The following CDH12 variants were observed in gnomAD, a reference collection of about 807,000 sequenced individuals.
The protein encoded by CDH12 is cadherin-12.
Under a neutral mutation model 74.1 loss-of-function variants are expected in CDH12, and 41 were observed. The ratio of observed to expected loss-of-function variants is 0.55; its 90% CI spans 0.43 to 0.72. The LOEUF is 0.72. CDH12 is among the 30% of genes least tolerant of loss of function. The pLI, the probability that CDH12 is intolerant of heterozygous loss-of-function variation, is 0.00. For synonymous variants in CDH12, 399 were observed against 355.0 expected (o/e 1.12, Z -1.39); for missense variants, 945 against 977.2 (o/e 0.97, Z 0.44).
intron 1 of CDH12, among the ~76,000 whole-genome samples, chr5:22,667,280 C>T (rs192870814): frequency 1.7e-4 from 26 of 152,116 alleles, no homozygotes; most frequent in African/African-American, 5.5e-4. Context: ...GATGGTAGTC[C>T]CTCTCTGCAG....
At position 22,062,128 on chromosome 5, in the gene CDH12, T is replaced by C. The variant is rs540152554; in HGVS notation, c.231+16318A>G. Among the ~76,000 whole-genome samples, 3 of 152,274 alleles carry C rather than the reference T, an allele frequency of 2.0e-5. No homozygotes were observed. The East Asian group carries it at 5.8e-4, about 29-fold the overall frequency. ...TTACTTTTGAAATACTGGTTTTAGG[T>C]ATTCATATATTGATTTAAAGATAGT... On this transcript the variant is annotated intron_variant, in intron 5 of 14. Transcript: ENST00000382254.
intron 1 of CDH12, among the ~76,000 whole-genome samples, chr5:22,713,426 C>A (rs1243607516): frequency 2.0e-5 from 3 of 151,994 alleles, no homozygotes; most frequent in Non-Finnish European, 4.4e-5. Context: ...CAGGCATGAG[C>A]CACCGCACCC....
At chr5:22,199,533 ACCTCTGGGCTGAGTT>A (rs1486969534) in intron 4 of CDH12, among the ~76,000 whole-genome samples, 1 of 152,174 alleles carries the variant, frequency 6.6e-6, no homozygotes, top group Admixed American at 6.5e-5. Flanking sequence ...CCCGCTGCTT[ACCTCTGGGCTGAGTT>A]CCTCTTTTCA....
chr5:22,846,404 C>G (rs1299901132), intron 1 of CDH12, among the ~76,000 whole-genome samples: 1 of 152,126 alleles, frequency 6.6e-6, no homozygotes, highest in Non-Finnish European at 1.5e-5. Flanking sequence ...TTCAGTGATT[C>G]TCTAGATAGA....
chr5:22,515,970 T>C lies in CDH12; in HGVS notation c.-522-10606A>G, dbSNP rs72744902. On this transcript the variant is annotated intron_variant, in intron 1 of 14. Coordinates refer to ENST00000382254, the MANE Select transcript of CDH12 (RefSeq NM_004061.5). ...CTGATCATATGAAGCAATTGTACAATACAATTAAGAAAAAATAACCTTATA... is the reference window on the plus strand; with the variant it reads ...CTGATCATATGAAGCAATTGTACAACACAATTAAGAAAAAATAACCTTATA... Among the ~76,000 whole-genome samples the C allele has an allele frequency of 8.9e-3, 1,357 of 152,092 alleles. 24 individuals carry two copies. The highest frequency in any genetic ancestry group is 0.066 in the East Asian group (339 of 5,170).
chr5:21,767,373 T>C, intron 11 of CDH12, among the ~76,000 whole-genome samples: 1 of 151,720 alleles, frequency 6.6e-6, no homozygotes, highest in Non-Finnish European at 1.5e-5. Flanking sequence ...AGAAATTAAT[T>C]CTCTTCTGCT....
rs564660599 is a variant in CDH12 at position 22,378,262 on chromosome 5, T to A, written c.-333+26995A>T. Reference sequence around the variant, plus strand: ...ATTAGAATGCAATAAACTGAAGGACTTTTTCCTCATTCTTAAAACTCATAT... The same window carrying A: ...ATTAGAATGCAATAAACTGAAGGACATTTTCCTCATTCTTAAAACTCATAT... On this transcript the variant is annotated intron_variant, in intron 3 of 14. Coordinates refer to ENST00000382254, the MANE Select transcript of CDH12 (RefSeq NM_004061.5). Among the ~76,000 whole-genome samples the A allele has an allele frequency of 3.9e-5, 6 of 152,194 alleles. No individual in the cohort carries two copies. The East Asian group carries it at 7.7e-4, about 20-fold the overall frequency.
At chr5:22,731,898 G>A (rs1744446623) in intron 1 of CDH12, among the ~76,000 whole-genome samples, 1 of 151,738 alleles carries the variant, frequency 6.6e-6, no homozygotes, top group Non-Finnish European at 1.5e-5. Flanking sequence ...GCTTAAACAT[G>A]AACTTAGTAA....
At chr5:22,662,731 T>C (rs1256497142) in intron 1 of CDH12, among the ~76,000 whole-genome samples, 2 of 152,212 alleles carry the variant, frequency 1.3e-5, no homozygotes, top group East Asian at 3.8e-4. Flanking sequence ...CCTAAAGATG[T>C]AGTTCTGGCA....
chr5:22,772,979 G>A (rs991629897), intron 1 of CDH12, among the ~76,000 whole-genome samples: 7 of 151,888 alleles, frequency 4.6e-5, no homozygotes, highest in African/African-American at 7.3e-5. Context: ...GGAGAACTAC[G>A]AAACACTGTT....
At chr5:21,843,394 T>A in intron 7 of CDH12, among the ~76,000 whole-genome samples, 1 of 152,194 alleles carries the variant, frequency 6.6e-6, no homozygotes, top group East Asian at 1.9e-4. Context: ...ACTCTCTACT[T>A]AACAAACACT....
chr5:22,370,071 A>G (rs1741212271), intron 3 of CDH12, among the ~76,000 whole-genome samples: 1 of 152,156 alleles, frequency 6.6e-6, no homozygotes, highest in South Asian at 2.1e-4. Flanking sequence ...TGTCATCAGA[A>G]GCTTTTCTTT....
intron 1 of CDH12, among the ~76,000 whole-genome samples, chr5:22,773,829 A>G (rs1483357067): frequency 6.6e-6 from 1 of 152,046 alleles, no homozygotes. Flanking sequence ...AAAAATGAGA[A>G]AAAGACATGG....
At position 22,012,385 on chromosome 5, in the gene CDH12, AATG is replaced by A. The variant is rs1307200200; in HGVS notation, c.232-37003_232-37001del. On this transcript the variant is annotated intron_variant, in intron 5 of 14. Coordinates refer to ENST00000382254, the MANE Select transcript of CDH12 (RefSeq NM_004061.5). ...AGTTATTTGTGATATGAAAGAGAAAAATGATAAGTTAATATAATTTTAATTCCA... is the reference window on the plus strand; with the variant it reads ...AGTTATTTGTGATATGAAAGAGAAAAATAAGTTAATATAATTTTAATTCCA... Among the ~76,000 whole-genome samples the A allele has an allele frequency of 1.3e-5, 2 of 152,164 alleles. 1 individual carries two copies. Among genetic ancestry groups the A allele is most frequent in the South Asian group, 4.1e-4 (2 of 4,834 alleles).
chr5:22,396,774 T>C (rs1007126110), intron 3 of CDH12, among the ~76,000 whole-genome samples: 7 of 152,108 alleles, frequency 4.6e-5, no homozygotes, highest in Non-Finnish European at 8.8e-5. Context: ...AGCAAGTTGG[T>C]TCTTTTCTAA....
intron 6 of CDH12, among the ~76,000 whole-genome samples, chr5:21,912,496 G>A (rs950016223): frequency 6.6e-6 from 1 of 152,072 alleles, no homozygotes; most frequent in Non-Finnish European, 1.5e-5. Flanking sequence ...ACTTAGAAAG[G>A]CTGTCAGCCA....
chr5:21,849,442 G>A (rs996133815), intron 7 of CDH12, among the ~76,000 whole-genome samples: 1 of 151,716 alleles, frequency 6.6e-6, no homozygotes, highest in Non-Finnish European at 1.5e-5. Context: ...TTTACTACAC[G>A]ATCATAATAT....
intron 1 of CDH12, among the ~76,000 whole-genome samples, chr5:22,741,130 T>C (rs1315664128): frequency 2.0e-5 from 3 of 152,178 alleles, no homozygotes; most frequent in Non-Finnish European, 4.4e-5. Flanking sequence ...ACCATTGTTT[T>C]GCTTGGACTG....
intron 1 of CDH12, among the ~76,000 whole-genome samples, chr5:22,819,716 A>C (rs1166886252): frequency 6.6e-6 from 1 of 151,786 alleles, no homozygotes; most frequent in Non-Finnish European, 1.5e-5. Context: ...TATCAAACGC[A>C]ATACAAAATA....
Sources: gnomAD v4.1 joint callset for allele counts (sites outside exome capture counted in the v4.1 genomes callset) on GRCh38, gnomAD v4.1.1 for gene constraint, MANE v1.5 for transcripts, NCBI Gene and HGNC (gene_info 2026-07-23, HGNC 2026-07-21) for gene names.